Variants in TRPC7 observed in about 807,000 individuals in gnomAD.
TRPC7 encodes transient receptor potential cation channel subfamily C member 7.
Under a neutral mutation model 90.1 loss-of-function variants are expected in TRPC7, and 42 were observed. The observed-to-expected ratio is 0.47, with a 90% CI of 0.36 to 0.60. The LOEUF is 0.60. Ranked by LOEUF, TRPC7 falls within the 20% of genes least tolerant of loss-of-function variation. The probability of loss-of-function intolerance (pLI) is 0.00; values close to 1 mark genes in which losing one functional copy is unlikely to be tolerated. For missense variants in TRPC7, 955 were observed against 1,112.3 expected, an observed-to-expected ratio of 0.86 and a Z score of 2.01; for synonymous variants, 451 against 436.3, an observed-to-expected ratio of 1.03 and a Z score of -0.42.
chr5:136,358,979 T>A (rs1031811513), intron 1 of TRPC7, among the ~76,000 whole-genome samples: 1 of 152,246 alleles, frequency 6.6e-6, no homozygotes, highest in African/African-American at 2.4e-5. Flanking sequence ...ATTTGTTATG[T>A]CTTCATGCAT....
chr5:136,346,105 A>G (rs891782529), intron 2 of TRPC7, among the ~76,000 whole-genome samples: 1 of 152,198 alleles, frequency 6.6e-6, no homozygotes, highest in South Asian at 2.1e-4. Context: ...AGGGAGGGAC[A>G]GCATTAGGAG....
chr5:136,289,831 G>A (rs975295599), intron 3 of TRPC7, among the ~76,000 whole-genome samples: 9 of 152,228 alleles, frequency 5.9e-5, no homozygotes, highest in Admixed American at 3.9e-4. Flanking sequence ...TCTGAGAACG[G>A]GCAGACTGCC....
Position 136,247,783 on chromosome 5 carries a change from T to TTTTTC in TRPC7, c.1580-49_1580-48insGAAAA. The TTTTTC allele has an allele frequency of 6.4e-7, 1 of 1,570,366 alleles. No individual in the cohort carries two copies. Among genetic ancestry groups the TTTTTC allele is most frequent in the Non-Finnish European group, 8.6e-7 (1 of 1,158,276 alleles). On this transcript the variant is annotated intron_variant, in intron 6 of 11. Transcript: ENST00000513104. The surrounding 1 kb of genome is among the most constrained non-coding windows in gnomAD (Gnocchi z 4.2). ...ACTCACGAGGCCACAGGATCTATTC[T>TTTTTC]AGAAGAGAAACCAGTTAGGCATCTT... is the stretch of plus-strand genomic sequence containing the variant.
chr5:136,264,632 G>A (rs145202934), intron 5 of TRPC7, among the ~76,000 whole-genome samples: 5 of 151,274 alleles, frequency 3.3e-5, no homozygotes, highest in African/African-American at 9.7e-5. Context: ...TTGCTCTGTC[G>A]CCCAGGCTGG....
At chr5:136,287,298 A>G (rs1453730083) in intron 3 of TRPC7, among the ~76,000 whole-genome samples, 1 of 152,030 alleles carries the variant, frequency 6.6e-6, no homozygotes, top group African/African-American at 2.4e-5. Flanking sequence ...TGAGGTTTTT[A>G]GGAATGGTTC....
chr5:136,236,652 C>T (rs1445719046), intron 7 of TRPC7, among the ~76,000 whole-genome samples: 4 of 152,032 alleles, frequency 2.6e-5, no homozygotes, highest in Non-Finnish European at 1.5e-5. Context: ...ACAGCAGGGA[C>T]GAGGTAATCA....
chr5:136,277,550 C>T (rs1757406240), intron 3 of TRPC7, among the ~76,000 whole-genome samples: 1 of 151,966 alleles, frequency 6.6e-6, no homozygotes, highest in African/African-American at 2.4e-5. Flanking sequence ...ATCCCTGACC[C>T]AAGGAGGATG....
chr5:136,291,373 C>T (rs189973633), intron 3 of TRPC7, among the ~76,000 whole-genome samples: 18 of 152,150 alleles, frequency 1.2e-4, no homozygotes, highest in African/African-American at 3.9e-4. Flanking sequence ...CAAGACCCAT[C>T]AGTGTGCTGT....
intron 1 of TRPC7, among the ~76,000 whole-genome samples, chr5:136,359,086 A>G (rs1313830116): frequency 1.3e-5 from 2 of 152,186 alleles, no homozygotes; most frequent in African/African-American, 4.8e-5. Context: ...ATTTTTTGAG[A>G]TTTTTAAAAA....
chr5:136,251,896 A>G lies in TRPC7; in HGVS notation c.1346-14T>C. 6.2e-7 allele frequency: 1 copy of G among 1,605,124 alleles called. No individual in the cohort carries two copies. Among genetic ancestry groups the G allele is most frequent in the South Asian group, 1.1e-5 (1 of 90,908 alleles). Reference sequence around the variant, plus strand: ...ACCAAATCATTCCTGTGGGAGAAGGAGAAGGCCAGGCTCACTTTTCGTTTC... The same window carrying G: ...ACCAAATCATTCCTGTGGGAGAAGGGGAAGGCCAGGCTCACTTTTCGTTTC... On this transcript the variant is annotated splice_polypyrimidine_tract_variant and intron_variant, in intron 5 of 11. Coordinates refer to ENST00000513104, the MANE Select transcript of TRPC7 (RefSeq NM_020389.3).
chr5:136,339,887 G>A (rs77257035), intron 2 of TRPC7, among the ~76,000 whole-genome samples: 3,179 of 151,604 alleles, frequency 0.021, 121 homozygotes, highest in African/African-American at 0.073. Flanking sequence ...GTGAGAGGAT[G>A]TCCTCTTTAT....
At chr5:136,214,947 GA>G (rs1193035592) in intron 11 of TRPC7, among the ~76,000 whole-genome samples, 7 of 152,096 alleles carry the variant, frequency 4.6e-5, no homozygotes, top group Admixed American at 2.6e-4. Flanking sequence ...AAATAGACTG[GA>G]AAACAACCCA....
chr5:136,355,608 C>T (rs1760342242), intron 2 of TRPC7, among the ~76,000 whole-genome samples: 1 of 151,422 alleles, frequency 6.6e-6, no homozygotes, highest in South Asian at 2.1e-4. Context: ...ACCATCCTGG[C>T]TAACATGGTG....
At chr5:136,332,001 T>C (rs1490178589) in intron 2 of TRPC7, among the ~76,000 whole-genome samples, 1 of 152,058 alleles carries the variant, frequency 6.6e-6, no homozygotes, top group Non-Finnish European at 1.5e-5. Flanking sequence ...AACTTGCAGC[T>C]CATTCCTCAG....
intron 2 of TRPC7, among the ~76,000 whole-genome samples, chr5:136,329,154 T>C (rs1262414017): frequency 6.6e-6 from 1 of 152,148 alleles, no homozygotes; most frequent in Non-Finnish European, 1.5e-5. Context: ...CCAGAAGTAA[T>C]GGATTGCTCT....
chr5:136,216,189 C>G lies in TRPC7; in HGVS notation c.2419+11G>C. 1.2e-6 allele frequency: 2 copies of G among 1,608,276 alleles called. No individual in the cohort carries two copies. The highest frequency in any genetic ancestry group is 2.2e-5 in the South Asian group (2 of 89,834). On this transcript the variant is annotated intron_variant, in intron 11 of 11. Transcript: ENST00000513104. Reference sequence around the variant, plus strand: ...TTAAATCACCACGTGGGTGGAAATCCAGTCATTTACCTTCATTGACTTCGT... The same window carrying G: ...TTAAATCACCACGTGGGTGGAAATCGAGTCATTTACCTTCATTGACTTCGT...
chr5:136,259,688 C>G (rs991975838), intron 5 of TRPC7, among the ~76,000 whole-genome samples: 8 of 152,214 alleles, frequency 5.3e-5, no homozygotes, highest in Non-Finnish European at 1.0e-4. Flanking sequence ...GCTTATAATG[C>G]AAGCAACAAA....
At chr5:136,236,414 C>A (rs1289530461) in intron 7 of TRPC7, among the ~76,000 whole-genome samples, 2 of 152,214 alleles carry the variant, frequency 1.3e-5, no homozygotes, top group South Asian at 2.1e-4. Context: ...TGATTTCATG[C>A]AAATACTCTT....
chr5:136,272,472 T>C (rs1266855663), intron 4 of TRPC7, among the ~76,000 whole-genome samples: 1 of 152,210 alleles, frequency 6.6e-6, no homozygotes, highest in Non-Finnish European at 1.5e-5. Context: ...GTCCTTTGGC[T>C]GCCTCAGAGC....
Sources: allele counts gnomAD v4.1 joint callset (sites outside exome capture counted in the v4.1 genomes callset), GRCh38; gene constraint gnomAD v4.1.1; non-coding constraint Gnocchi (gnomAD v3.1); transcripts MANE v1.5; gene names NCBI Gene and HGNC (gene_info 2026-07-23, HGNC 2026-07-21).